PTTG1IP: variants seen among roughly 807,000 people sequenced by gnomAD.
PTTG1IP encodes the protein pituitary tumor-transforming gene 1 protein-interacting protein.
Under a neutral mutation model 24.4 loss-of-function variants are expected in PTTG1IP, and 16 were observed. The ratio of observed to expected loss-of-function variants is 0.66; its 90% CI spans 0.44 to 1.00. The LOEUF is 1.00. Ranked by LOEUF, PTTG1IP falls within the 50% of genes least tolerant of loss-of-function variation. PTTG1IP has a pLI of 0.00. For missense variants in PTTG1IP, 241 were observed against 245.8 expected (o/e 0.98, Z 0.13); for synonymous variants, 89 against 96.8 (o/e 0.92, Z 0.47).
At chr21:44,859,343 G>C (rs946942558) in intron 3 of PTTG1IP, among the ~76,000 whole-genome samples, 1 of 152,214 alleles carries the variant, frequency 6.6e-6, no homozygotes, top group African/African-American at 2.4e-5. Flanking sequence ...TGCTGTGAGT[G>C]GTGATAACCT....
At position 44,866,423 on chromosome 21, in the gene PTTG1IP, A is replaced by AACACACACAC. The variant is rs34007977; in HGVS notation, c.116-986_116-977dup. On this transcript the variant is annotated intron_variant, in intron 1 of 5. Coordinates refer to ENST00000330938, the MANE Select transcript of PTTG1IP (RefSeq NM_004339.4). ...CAGAGACTGCCTACTCCAATCCCAT[A>AACACACACAC]ACACACACACACACACACACACAGA... Among the ~76,000 whole-genome samples, 120 of 19,792 alleles carry AACACACACAC rather than the reference A, an allele frequency of 6.1e-3. 23 individuals carry two copies. The highest frequency in any genetic ancestry group is 7.9e-3 in the Non-Finnish European group (85 of 10,750). 13.0% of individuals were successfully genotyped at this position (19,792 alleles called of 152,430 possible).
At chr21:44,853,990 A>G (rs1429743232) in intron 5 of PTTG1IP, among the ~76,000 whole-genome samples, 3 of 152,178 alleles carry the variant, frequency 2.0e-5, no homozygotes, top group African/African-American at 7.2e-5. Context: ...GCCAGAACTG[A>G]CAGGGAGGGG....
At chr21:44,856,509 C>T (rs1040637494) in intron 3 of PTTG1IP, 145 bp from the exon 4 acceptor site, 9 of 897,084 alleles carry the variant, frequency 1.0e-5, no homozygotes, top group East Asian at 2.7e-5. Context: ...TGGCTCCTGG[C>T]GTGTGGAGAG....
chr21:44,865,361 C>T (rs778032679), intron 2 of PTTG1IP, 34 bp downstream of exon 2: 16 of 1,606,658 alleles, frequency 1.0e-5, no homozygotes, highest in African/African-American at 4.0e-5. Context: ...ACGGTCTGGA[C>T]GGCACTCTGG....
chr21:44,865,599 G>A, intron 1 of PTTG1IP, 152 bp from the exon 2 acceptor site: 1 of 739,882 alleles, frequency 1.4e-6, no homozygotes, highest in Non-Finnish European at 2.3e-6. Flanking sequence ...CTGAGCCCCT[G>A]CTGATAACAA....
At chr21:44,861,614 C>T (rs1165226905) in intron 2 of PTTG1IP, 12 of 665,606 alleles carry the variant, frequency 1.8e-5, no homozygotes, top group African/African-American at 3.5e-5. Flanking sequence ...CTCAGCCTGC[C>T]GGTTCTGCCT....
intron 1 of PTTG1IP, among the ~76,000 whole-genome samples, chr21:44,866,675 C>T (rs1831576769): frequency 8.3e-6 from 1 of 120,912 alleles, no homozygotes; most frequent in African/African-American, 4.4e-5. Flanking sequence ...CTACTCCAAT[C>T]CCATAACACA....
intron 1 of PTTG1IP, chr21:44,865,687 C>G (rs2083530910): frequency 1.7e-6 from 1 of 595,136 alleles, no homozygotes; most frequent in African/African-American, 1.9e-5. Flanking sequence ...ACATGCGGCT[C>G]CTATCCACAA....
Position 44,861,192 on chromosome 21 carries a change from A to C in PTTG1IP, c.248T>G (p.Leu83Trp). The change falls in exon 3 of 6, where the codon TTG becomes TGG. Residue 83 changes from leucine to tryptophan, a missense_variant. Coordinates refer to ENST00000330938, the MANE Select transcript of PTTG1IP (RefSeq NM_004339.4). Reference sequence around the variant, plus strand: ...ACAAACTCCCCAGCGTGCAGAGCTCAATTTACAAAGGGAAGCCGGTGGCAA... The same window carrying C: ...ACAAACTCCCCAGCGTGCAGAGCTCCATTTACAAAGGGAAGCCGGTGGCAA... ...SVLPPASLCK[L>W]SSARWGVCWV... 2 of 1,614,062 alleles carry C rather than the reference A, an allele frequency of 1.2e-6. No homozygotes were observed. The highest frequency in any genetic ancestry group is 1.7e-5 in the Admixed American group (1 of 60,020).
chr21:44,872,394 A>G (rs2083594252), intron 1 of PTTG1IP, among the ~76,000 whole-genome samples: 1 of 152,220 alleles, frequency 6.6e-6, no homozygotes, highest in Non-Finnish European at 1.5e-5. Context: ...CTAAACAGAC[A>G]CTGACAGAGC....
At chr21:44,855,432 C>A (rs1000110094) in intron 4 of PTTG1IP, among the ~76,000 whole-genome samples, 176 bp from the exon 5 acceptor site, 5 of 152,132 alleles carry the variant, frequency 3.3e-5, no homozygotes, top group African/African-American at 4.8e-5. Context: ...ACATACCCAC[C>A]AGGACAGGCA....
intron 1 of PTTG1IP, among the ~76,000 whole-genome samples, chr21:44,866,521 C>T (rs1350201513): frequency 7.6e-6 from 1 of 130,818 alleles, no homozygotes; most frequent in African/African-American, 3.1e-5. Context: ...AATCCCGTAA[C>T]ACACACGCAG....
rs879222233 is a variant in PTTG1IP, at chr21:44,855,265, C to T, written c.450-9G>A. 6.2e-7 allele frequency: 1 copy of T among 1,609,736 alleles called. No individual in the cohort carries two copies. The highest frequency in any genetic ancestry group is 8.5e-7 in the Non-Finnish European group (1 of 1,176,068). On this transcript the variant is annotated splice_polypyrimidine_tract_variant and intron_variant, in intron 4 of 5. Transcript: ENST00000330938. ...TCTTCATCTCTGCTCTCCTAAAACA[C>T]AGAGGAACATTATGAGCACCAAACG...
chr21:44,851,409 C>T lies in PTTG1IP; in HGVS notation c.*172G>A. ...CAGGGAATAGAAGGTCACCAGTCTG[C>T]AAGACGAGAGGACTGTCCTTCAGGG... is the stretch of plus-strand genomic sequence containing the variant. On this transcript the variant is annotated 3_prime_UTR_variant, in exon 6 of 6. Coordinates refer to ENST00000330938, the MANE Select transcript of PTTG1IP (RefSeq NM_004339.4). The T allele has an allele frequency of 1.3e-6, 2 of 1,570,650 alleles. No individual in the cohort carries two copies. Among genetic ancestry groups the T allele is most frequent in the Non-Finnish European group, 8.6e-7 (1 of 1,161,782 alleles).
intron 1 of PTTG1IP, among the ~76,000 whole-genome samples, chr21:44,871,596 G>A (rs1432365781): frequency 6.6e-6 from 1 of 152,184 alleles, no homozygotes; most frequent in African/African-American, 2.4e-5. Flanking sequence ...TTCACACAGT[G>A]TCCTTGTAAA....
chr21:44,868,942 G>C (rs1304602644), intron 1 of PTTG1IP, among the ~76,000 whole-genome samples: 1 of 152,206 alleles, frequency 6.6e-6, no homozygotes, highest in Non-Finnish European at 1.5e-5. Flanking sequence ...ACTTCCAAGA[G>C]ATCAGTTATC....
chr21:44,870,525 CAA>C (rs60436978), intron 1 of PTTG1IP, among the ~76,000 whole-genome samples: 1 of 76,962 alleles, frequency 1.3e-5, no homozygotes, highest in Non-Finnish European at 2.4e-5. Context: ...GACTCCATCT[CAA>C]AAAAAAAAAA....
At chr21:44,865,907 T>C (rs1490238858) in intron 1 of PTTG1IP, 3 of 248,216 alleles carry the variant, frequency 1.2e-5, no homozygotes, top group East Asian at 9.9e-5. Flanking sequence ...ACTTGTGTCT[T>C]TGGACTCACC....
At chr21:44,870,542 A>AG (rs985871457) in intron 1 of PTTG1IP, among the ~76,000 whole-genome samples, 4 of 150,878 alleles carry the variant, frequency 2.7e-5, no homozygotes, top group East Asian at 3.9e-4. Flanking sequence ...AAAAAAAAAA[A>AG]AAAAAAGAAA....
Sources: gnomAD v4.1 joint callset for allele counts (sites outside exome capture counted in the v4.1 genomes callset) on GRCh38, gnomAD v4.1.1 for gene constraint, MANE v1.5 for transcripts, NCBI Gene and HGNC (gene_info 2026-07-23, HGNC 2026-07-21) for gene names.